The following COL11A2 variants were observed in gnomAD, a reference collection of about 807,000 sequenced individuals.
The protein encoded by COL11A2 is collagen type XI alpha 2 chain.
Under a neutral mutation model 273.4 loss-of-function variants are expected in COL11A2, and 116 were observed. That is an observed-to-expected ratio of 0.42 (90% confidence interval 0.36 to 0.49). The LOEUF (loss-of-function observed/expected upper bound fraction) is 0.49, where lower values mean the gene tolerates loss of function less well. Among genes scored for constraint, COL11A2 ranks in the 20% least tolerant of loss-of-function variants. The probability of loss-of-function intolerance (pLI) is 0.00; values close to 1 mark genes in which losing one functional copy is unlikely to be tolerated. For missense variants in COL11A2, 1,866 were observed against 2,309.0 expected (o/e 0.81, Z 3.93); for synonymous variants, 782 against 864.2 (o/e 0.90, Z 1.67).
rs953245426 is a variant in COL11A2 at position 33,178,702 on chromosome 6, G to A, written c.1696C>T (p.Leu566Phe). The change falls in exon 18 of 66, where the codon CTC becomes TTC. Residue 566 changes from leucine to phenylalanine, a missense_variant. Physicochemically the swap from Leu to Phe is conservative, Grantham distance 22 (BLOSUM62 0). Transcript: ENST00000341947. The surrounding 1 kb of genome is among the most constrained non-coding windows in gnomAD (Gnocchi z 4.6). ...ACCCTATGGCCCTTCTCTCCAGGGAGCCCTGGGAGTCCATCAAAACCTCGG... is the reference window on the plus strand; with the variant it reads ...ACCCTATGGCCCTTCTCTCCAGGGAACCCTGGGAGTCCATCAAAACCTCGG... ...GDRGFDGLPG[L>F]PGEKGHRGDT... 2.5e-6 allele frequency: 4 copies of A among 1,612,786 alleles called. No individual in the cohort carries two copies. The highest frequency in any genetic ancestry group is 3.4e-6 in the Non-Finnish European group (4 of 1,179,968).
chr6:33,188,606 A>G, intron 3 of COL11A2, 82 bp from the exon 4 acceptor site: 1 of 1,523,164 alleles, frequency 6.6e-7, no homozygotes, highest in Non-Finnish European at 9.1e-7. Flanking sequence ...CAGTGATAAG[A>G]GTTGAAGCCA....
Position 33,175,678 on chromosome 6 carries a change from C to T in COL11A2, c.2272G>A (p.Glu758Lys), listed in dbSNP as rs1304713056. Reference sequence around the variant, plus strand: ...CCCCTGGAACCAGGGACTCCAACTTCGCCCTGTGTGAGAGGGAAGGACAGG... The same window carrying T: ...CCCCTGGAACCAGGGACTCCAACTTTGCCCTGTGTGAGAGGGAAGGACAGG... Reference protein sequence around the residue: ...GDIGVKGDRGEVGVPGSRGED... With the variant: ...GDIGVKGDRGKVGVPGSRGED... The change falls in exon 30 of 66, where the codon GAA becomes AAA. Residue 758 changes from glutamate (E) to lysine (K), a missense_variant. Glu to Lys is a moderately conservative substitution (Grantham distance 56). Transcript: ENST00000341947. 6.2e-6 allele frequency: 10 copies of T among 1,612,788 alleles called. No individual in the cohort carries two copies. The highest frequency in any genetic ancestry group is 1.1e-5 in the South Asian group (1 of 91,078).
Position 33,167,302 on chromosome 6 carries a change from G to A in COL11A2, c.4138C>T (p.Pro1380Ser), listed in dbSNP as rs141341019. The A allele has an allele frequency of 6.2e-7, 1 of 1,613,694 alleles. No homozygotes were observed. Among genetic ancestry groups the A allele is most frequent in the African/African-American group, 1.3e-5 (1 of 74,912 alleles). Residue 1380 changes from proline to serine, a missense_variant, in exon 57 of 66, where the codon CCT (proline) becomes TCT (serine). Transcript: ENST00000341947. The surrounding 1 kb of genome is among the most constrained non-coding windows in gnomAD (Gnocchi z 6.1). Reference sequence around the variant, plus strand: ...GGCCCAGCCTGGCCTGTAGCTCCAGGTCGGCCTTGCTGACCCTGAAGATTT... The same window carrying A: ...GGCCCAGCCTGGCCTGTAGCTCCAGATCGGCCTTGCTGACCCTGAAGATTT... ...LPGSVGQQGRPGATGQAGPPG... is the reference protein window; with the variant it reads ...LPGSVGQQGRSGATGQAGPPG...
intron 41 of COL11A2, 46 bp from the exon 42 acceptor site, chr6:33,171,866 G>A (rs760006971): frequency 2.9e-5 from 46 of 1,595,980 alleles, no homozygotes; most frequent in Non-Finnish European, 3.4e-5. Context: ...ACACCAGCCC[G>A]CCCATACCAG....
chr6:33,188,849 T>C (rs1772735506), intron 3 of COL11A2, 129 bp downstream of exon 3: 3 of 1,096,024 alleles, frequency 2.7e-6, no homozygotes, highest in African/African-American at 3.1e-5. Context: ...GTGACTGAAG[T>C]TTGGGCAGTG....
Position 33,167,368 on chromosome 6 carries a change from A to G in COL11A2, c.4123-51T>C, listed in dbSNP as rs1562313633. The G allele has an allele frequency of 6.2e-7, 1 of 1,611,208 alleles. No homozygotes were observed. On this transcript the variant is annotated intron_variant, in intron 56 of 65. Coordinates refer to ENST00000341947, the MANE Select transcript of COL11A2 (RefSeq NM_080680.3). The surrounding 1 kb of genome is among the most constrained non-coding windows in gnomAD (Gnocchi z 6.1). ...GTCAGGAGGAGCATCCCCACACTGC[A>G]CCCCTCCCATGGCCCCTCACTCCCA... is the stretch of plus-strand genomic sequence containing the variant.
Position 33,173,662 on chromosome 6 carries a change from G to T in COL11A2, c.2628+39C>A. ...GGGAGCTGGCTCACCCAGGCTCCCT[G>T]GGGACCTCAGGGGAAGGGGACTTTC... On this transcript the variant is annotated intron_variant, in intron 35 of 65. Coordinates refer to ENST00000341947, the MANE Select transcript of COL11A2 (RefSeq NM_080680.3). The surrounding 1 kb of genome is among the most constrained non-coding windows in gnomAD (Gnocchi z 6.3). 6.4e-7 allele frequency: 1 copy of T among 1,553,278 alleles called. No individual in the cohort carries two copies. Among genetic ancestry groups the T allele is most frequent in the South Asian group, 1.2e-5 (1 of 84,008 alleles).
At position 33,165,853 on chromosome 6, in the gene COL11A2, G is replaced by A; in HGVS notation, c.4483-37C>T. The A allele has an allele frequency of 1.9e-6, 3 of 1,613,736 alleles. No homozygotes were observed. The South Asian group carries it at 3.3e-5, about 18-fold the overall frequency. On this transcript the variant is annotated intron_variant, in intron 62 of 65. Coordinates refer to ENST00000341947, the MANE Select transcript of COL11A2 (RefSeq NM_080680.3). The surrounding 1 kb of genome is among the most constrained non-coding windows in gnomAD (Gnocchi z 7.7). ...GACAGATGGAGAGGGCAAGAGACAA[G>A]GTTGGTGTGAGGGTGAAGTGTGGCA...
intron 38 of COL11A2, 98 bp from the exon 39 acceptor site, chr6:33,172,735 C>T: frequency 1.9e-6 from 2 of 1,027,896 alleles, no homozygotes; most frequent in Non-Finnish European, 3.0e-6. Context: ...CCTTCAGAAC[C>T]CCTTTATCCC....
rs1381853038 is a variant in COL11A2 at position 33,164,820 on chromosome 6, C to T, written c.4863+32G>A. On this transcript the variant is annotated intron_variant, in intron 64 of 65. Transcript: ENST00000341947. The surrounding 1 kb of genome is among the most constrained non-coding windows in gnomAD (Gnocchi z 4.7). ...AGCCCTGAGGGGGTGCACTATGGGG[C>T]AGGGGAGGGGCAGCGAGGGGCCAGC... The T allele has an allele frequency of 6.5e-7, 1 of 1,530,084 alleles. No individual in the cohort carries two copies. Among genetic ancestry groups the T allele is most frequent in the Admixed American group, 2.0e-5 (1 of 50,676 alleles). The allele number at this position is 1,530,084 out of a possible 1,614,324, so 94.8% of individuals were successfully genotyped here.
Position 33,190,412 on chromosome 6 carries a change from A to C in COL11A2, c.83-943T>G, listed in dbSNP as rs2855429. Among the ~76,000 whole-genome samples the C allele has an allele frequency of 0.78, 119,094 of 152,100 alleles. 47,153 individuals carry two copies. Among genetic ancestry groups the C allele is most frequent in the East Asian group, 0.97 (5,032 of 5,176 alleles). On this transcript the variant is annotated intron_variant, in intron 1 of 65. Coordinates refer to ENST00000341947, the MANE Select transcript of COL11A2 (RefSeq NM_080680.3). This position sits in a 1 kb window ranked among gnomAD's most constrained non-coding sequence, Gnocchi z 4.5. ...AGATCCAGCCCACCAGCCCTGTCTA[A>C]CTAGAACTCAGCTTCCTAGGGCTCA...
At position 33,186,785 on chromosome 6, in the gene COL11A2, C is replaced by T. The variant is rs752945008; in HGVS notation, c.640G>A (p.Val214Ile). 3.7e-6 allele frequency: 6 copies of T among 1,614,120 alleles called. No homozygotes were observed. The South Asian group carries it at 5.5e-5, about 15-fold the overall frequency. ...TCACATGATTCATAGGCTGCCTGGACCCCTGGGACAATGGCCAGCTCCTGG... is the reference window on the plus strand; with the variant it reads ...TCACATGATTCATAGGCTGCCTGGATCCCTGGGACAATGGCCAGCTCCTGG... ...DVQELAIVPG[V>I]QAAYESCEQK... Residue 214 changes from valine to isoleucine, a missense_variant, in exon 5 of 66, where the codon GTC becomes ATC. Coordinates refer to ENST00000341947, the MANE Select transcript of COL11A2 (RefSeq NM_080680.3).
rs1769206780 is a variant in COL11A2 at position 33,166,765 on chromosome 6, C to G, written c.4293G>C (p.Arg1431=). The G allele has an allele frequency of 6.2e-7, 1 of 1,613,540 alleles. No individual in the cohort carries two copies. Among genetic ancestry groups the G allele is most frequent in the Non-Finnish European group, 8.5e-7 (1 of 1,180,030 alleles). Residue 1431 remains arginine (R), a synonymous_variant, in exon 59 of 66, where the codon CGG becomes CGC. Transcript: ENST00000341947. The surrounding 1 kb of genome is among the most constrained non-coding windows in gnomAD (Gnocchi z 4.8). The part of the protein sequence containing the change: ...PPGEQGEKGD[R]GLPGPQGSPG... ...GGGAGCCCTGAGGCCCAGGAAGTCC[C>G]CGATCTCCCTTCTCTCCCTGCTCAC...
chr6:33,185,626 A>G, intron 6 of COL11A2, 75 bp downstream of exon 6: 1 of 590,406 alleles, frequency 1.7e-6, no homozygotes, highest in Non-Finnish European at 3.2e-6. Context: ...GGGGGAGGGG[A>G]GGAAGGTGTC....
chr6:33,192,963 G>A (rs115667273), upstream of COL11A2, among the ~76,000 whole-genome samples: 4,411 of 152,278 alleles, frequency 0.029, 118 homozygotes, highest in Middle Eastern at 0.082. Flanking sequence ...GCGACGAACT[G>A]GGGCGGGGGA....
intron 1 of COL11A2, among the ~76,000 whole-genome samples, chr6:33,191,270 C>A (rs1379782901): frequency 1.3e-5 from 2 of 152,196 alleles, no homozygotes; most frequent in Admixed American, 1.3e-4. Flanking sequence ...TTTGTGCTGC[C>A]ATTCTGACCA....
At position 33,167,838 on chromosome 6, in the gene COL11A2, C is replaced by G. The variant is rs139564431; in HGVS notation, c.3975G>C (p.Ser1325=). The G allele has an allele frequency of 6.2e-7, 1 of 1,612,292 alleles. No individual in the cohort carries two copies. The highest frequency in any genetic ancestry group is 2.2e-5 in the East Asian group (1 of 44,824). ...CTCCTTGTCGCCCCTCGGAACCAGG[C>G]GAGCCAGCAGGACCCTGCAGGTGGA... ...GPLGKRGPAG[S]PGSEGRQGGK... The change falls in exon 55 of 66, where the codon TCG becomes TCC. Residue 1325 remains serine (S), a synonymous_variant. Coordinates refer to ENST00000341947, the MANE Select transcript of COL11A2 (RefSeq NM_080680.3). The surrounding 1 kb of genome is among the most constrained non-coding windows in gnomAD (Gnocchi z 6.1).
chr6:33,170,485 G>A lies in COL11A2; in HGVS notation c.3528+72C>T. On this transcript the variant is annotated intron_variant, in intron 47 of 65. Coordinates refer to ENST00000341947, the MANE Select transcript of COL11A2 (RefSeq NM_080680.3). This position sits in a 1 kb window ranked among gnomAD's most constrained non-coding sequence, Gnocchi z 4.3. Reference sequence around the variant, plus strand: ...GCCAGGCCAGGGAGTTGGCAGTGGGGTGTGGGGTGGGGGCTGGCCAGGGAG... The same window carrying A: ...GCCAGGCCAGGGAGTTGGCAGTGGGATGTGGGGTGGGGGCTGGCCAGGGAG... The A allele has an allele frequency of 6.4e-7, 1 of 1,572,776 alleles. No homozygotes were observed. Among genetic ancestry groups the A allele is most frequent in the South Asian group, 1.1e-5 (1 of 88,782 alleles).
chr6:33,181,376 C>A (rs968596301), intron 8 of COL11A2, among the ~76,000 whole-genome samples: 4 of 151,408 alleles, frequency 2.6e-5, no homozygotes, highest in Non-Finnish European at 5.9e-5. Flanking sequence ...CCTGCCCCCC[C>A]AGTTCCCAGC....
Sources: gnomAD v4.1 joint callset for allele counts (sites outside exome capture counted in the v4.1 genomes callset) on GRCh38, gnomAD v4.1.1 for gene constraint, Gnocchi (gnomAD v3.1) non-coding constraint, MANE v1.5 for transcripts, NCBI Gene and HGNC (gene_info 2026-07-23, HGNC 2026-07-21) for gene names.